NBPF12: variants seen among roughly 807,000 people sequenced by gnomAD.
The protein encoded by NBPF12 is NBPF family member NBPF12.
In NBPF12, 115 loss-of-function variants were observed where a neutral mutation model predicts 146.4. The observed-to-expected ratio is 0.79, with a 90% CI of 0.68 to 0.92. The LOEUF (loss-of-function observed/expected upper bound fraction) is 0.92. NBPF12 is among the 40% of genes least tolerant of loss of function. The pLI is 0.00. For missense variants in NBPF12, 1,205 were observed against 1,326.8 expected, an observed-to-expected ratio of 0.91 and a Z score of 1.43; for synonymous variants, 385 against 508.9, an observed-to-expected ratio of 0.76 and a Z score of 3.28.
intron 31 of NBPF12, among the ~76,000 whole-genome samples, chr1:146,992,483 T>TGTGC (rs1658255646): frequency 7.2e-6 from 1 of 138,700 alleles, no homozygotes; most frequent in Non-Finnish European, 1.6e-5. Context: ...TGTGTGTGTG[T>TGTGC]GTGTGTGTGT....
chr1:146,967,817 G>A (rs1219564806), intron 9 of NBPF12, among the ~76,000 whole-genome samples: 1 of 150,856 alleles, frequency 6.6e-6, no homozygotes. Flanking sequence ...AACGTTTATT[G>A]GCACAGAGTA....
exon 34 of NBPF12, chr1:146,994,858 A>AT (rs1232048805): frequency 3.6e-6 from 2 of 560,668 alleles, no homozygotes; most frequent in Non-Finnish European, 6.0e-6. Flanking sequence ...TAGCTACAAA[A>AT]TTCCTCAGGG....
Position 146,962,209 on chromosome 1 carries a change from G to A in NBPF12, c.224G>A (p.Arg75Gln), listed in dbSNP as rs1190072973. 218 of 1,608,372 alleles carry A rather than the reference G, an allele frequency of 1.4e-4. 1 individual carries two copies. The Admixed American group carries it at 3.1e-3, about 23-fold the overall frequency. The change falls in exon 5 of 34, where the codon CGA becomes CAA. Residue 75 changes from arginine (R) to glutamine (Q), a missense_variant. Around this residue, in one of 16 missense-constraint regions of NBPF12, gnomAD observed 138 missense variants for 101.7 expected, o/e 1.36. Transcript: ENST00000617844. Reference sequence around the variant, plus strand: ...ATAAAATTTATGCTGAGGAATGAGCGACAGTTCAAGGAGGAGAAGCTTGCA... The same window carrying A: ...ATAAAATTTATGCTGAGGAATGAGCAACAGTTCAAGGAGGAGAAGCTTGCA...
chr1:146,975,479 G>C (rs1212750328), intron 15 of NBPF12, among the ~76,000 whole-genome samples, 198 bp from the exon 19 acceptor site: 1 of 149,708 alleles, frequency 6.7e-6, no homozygotes, highest in Non-Finnish European at 1.5e-5. Flanking sequence ...GGATCTTGCA[G>C]GAGCCCTCTC....
chr1:146,944,881 A>G (rs1426162344), upstream of NBPF12, among the ~76,000 whole-genome samples: 11 of 36,970 alleles, frequency 3.0e-4, no homozygotes, highest in African/African-American at 6.6e-4. Context: ...CTTCCCTTCC[A>G]CCCTCCCTCC....
intron 2 of NBPF12, among the ~76,000 whole-genome samples, chr1:146,956,202 A>C (rs1260641522): frequency 1.3e-5 from 2 of 151,774 alleles, no homozygotes; most frequent in African/African-American, 4.8e-5. Flanking sequence ...CTCAGTCTTT[A>C]CAAGACATTA....
chr1:146,978,664 G>A (rs1288149126), intron 18 of NBPF12, among the ~76,000 whole-genome samples: 17 of 150,618 alleles, frequency 1.1e-4, no homozygotes, highest in Admixed American at 1.0e-3. Flanking sequence ...TTAGAAAATT[G>A]TTTGACCAAT....
intron 19 of NBPF12, among the ~76,000 whole-genome samples, chr1:146,981,552 GAGTATCTTT>G (rs1303780313): frequency 1.5e-4 from 22 of 151,558 alleles, no homozygotes; most frequent in Non-Finnish European, 3.1e-4. Context: ...TCTTCTCGAG[GAGTATCTTT>G]ATGGTGTTCT....
chr1:146,960,774 C>T (rs1214872760), intron 4 of NBPF12, among the ~76,000 whole-genome samples: 5 of 148,714 alleles, frequency 3.4e-5, no homozygotes, highest in African/African-American at 1.2e-4. Context: ...GGTGATAGTA[C>T]CCAGTACCTG....
At chr1:146,966,022 G>A (rs1458272396) in intron 8 of NBPF12, among the ~76,000 whole-genome samples, 5 of 151,726 alleles carry the variant, frequency 3.3e-5, no homozygotes, top group Non-Finnish European at 4.4e-5. Context: ...GATGAGAATC[G>A]CTTGAACCCG....
chr1:146,938,633 A>G (rs1200467953), upstream of NBPF12: 2 of 149,422 alleles, frequency 1.3e-5, no homozygotes, highest in African/African-American at 5.0e-5. Flanking sequence ...TCCGTCCTCC[A>G]TTACTCCTTT....
At chr1:146,960,623 C>T (rs1257066911) in intron 4 of NBPF12, among the ~76,000 whole-genome samples, 29 of 151,974 alleles carry the variant, frequency 1.9e-4, no homozygotes, top group Non-Finnish European at 3.5e-4. Flanking sequence ...AGAATCCTCT[C>T]TGTACCATAT....
chr1:146,962,858 G>A (rs1180255171), intron 5 of NBPF12, among the ~76,000 whole-genome samples: 1 of 151,236 alleles, frequency 6.6e-6, no homozygotes, highest in South Asian at 2.1e-4. Flanking sequence ...TTTGTTTACA[G>A]AAGAGAAAGA....
intron 13 of NBPF12, among the ~76,000 whole-genome samples, chr1:146,971,808 G>A (rs1453275651): frequency 6.6e-5 from 10 of 150,460 alleles, no homozygotes; most frequent in African/African-American, 2.0e-4. Context: ...GGCCAGGCGC[G>A]GTGGCTCACA....
chr1:146,964,358 A>G, exon 7 of NBPF12: 1 of 1,603,410 alleles, frequency 6.2e-7, no homozygotes, highest in South Asian at 1.1e-5. Flanking sequence ...TATTTATAGA[A>G]AATGATGAAG....
chr1:146,978,906 T>TA, intron 18 of NBPF12, 53 bp from the exon 22 acceptor site: 2 of 535,094 alleles, frequency 3.7e-6, no homozygotes, highest in Non-Finnish European at 6.5e-6. Context: ...GATTTGGTCA[T>TA]ATGTGAAGTA....
At chr1:146,939,899 C>G (rs1358125646) in intron 1 of NBPF12, among the ~76,000 whole-genome samples, 1 of 151,424 alleles carries the variant, frequency 6.6e-6, no homozygotes, top group Non-Finnish European at 1.5e-5. Context: ...AGGAGACTCG[C>G]TTGAACCTGG....
At chr1:146,994,423 C>G (rs1251912536) in exon 34 of NBPF12, 1 of 1,612,280 alleles carries the variant, frequency 6.2e-7, no homozygotes, top group Non-Finnish European at 8.5e-7. Flanking sequence ...GTACTTTGAA[C>G]TACCTGACTC....
rs1263439335 is a variant in NBPF12 at position 146,970,479 on chromosome 1, T to C, written c.1307-168T>C. 2.6e-4 allele frequency among the ~76,000 whole-genome samples: 40 copies of C among 151,322 alleles called. 1 individual carries two copies. The highest frequency in any genetic ancestry group is 7.8e-4 in the East Asian group (4 of 5,152). On this transcript the variant is annotated intron_variant, in intron 11 of 33. Transcript: ENST00000617844. ...CCCTCCACATCAGAAATGCATTGCC[T>C]GATGGACCAGGAAACCATGCCAGGG...
Sources: gnomAD v4.1 joint callset for allele counts (sites outside exome capture counted in the v4.1 genomes callset) on GRCh38, gnomAD v4.1.1 for gene constraint, gnomAD v4.1.1 regional missense constraint, MANE v1.5 for transcripts, NCBI Gene and HGNC (gene_info 2026-07-23, HGNC 2026-07-21) for gene names.